The following NRG1 variants were observed in gnomAD, a reference collection of about 807,000 sequenced individuals.
The protein encoded by NRG1 is pro-neuregulin-1, membrane-bound isoform.
In NRG1, 18 loss-of-function variants were observed where a neutral mutation model predicts 63.8. The observed-to-expected ratio is 0.28, with a 90% confidence interval of 0.19 to 0.42. The LOEUF is 0.42. Among genes scored for constraint, NRG1 ranks in the 10% least tolerant of loss-of-function variants. NRG1 has a pLI of 1.00. For missense variants in NRG1, 762 were observed against 814.7 expected, an observed-to-expected ratio of 0.94 and a Z score of 0.79; for synonymous variants, 302 against 301.3, an observed-to-expected ratio of 1.00 and a Z score of -0.02.
chr8:32,427,497 G>A (rs140755414), intron 1 of NRG1, among the ~76,000 whole-genome samples: 4 of 152,272 alleles, frequency 2.6e-5, no homozygotes, highest in South Asian at 4.1e-4. Context: ...GAGGAGCTGC[G>A]ACTGGGGCAG....
intron 5 of NRG1, chr8:32,648,423 A>G (rs748409452): frequency 6.3e-7 from 1 of 1,597,428 alleles, no homozygotes; most frequent in South Asian, 1.1e-5. Context: ...ATGATGATGA[A>G]TAAAAGGGGT....
At chr8:31,887,817 A>C (rs1830838003) in intron 1 of NRG1, among the ~76,000 whole-genome samples, 1 of 152,030 alleles carries the variant, frequency 6.6e-6, no homozygotes, top group South Asian at 2.1e-4. Flanking sequence ...TTTAAATTAC[A>C]ATATACAGAA....
chr8:32,421,315 G>A (rs1454061156), intron 1 of NRG1, among the ~76,000 whole-genome samples: 2 of 152,100 alleles, frequency 1.3e-5, no homozygotes, highest in East Asian at 1.9e-4. Flanking sequence ...TGAGATGTAC[G>A]AAAATTGGCT....
chr8:31,919,085 TTC>T (rs890864181), intron 1 of NRG1, among the ~76,000 whole-genome samples: 1 of 152,162 alleles, frequency 6.6e-6, no homozygotes, highest in Non-Finnish European at 1.5e-5. Context: ...TATTTGATTC[TTC>T]TCTCTTTTTT....
At chr8:32,514,801 T>C (rs16879496) in intron 1 of NRG1, among the ~76,000 whole-genome samples, 30 of 151,948 alleles carry the variant, frequency 2.0e-4, no homozygotes, top group Non-Finnish European at 4.0e-4. Context: ...CAAATAAAAC[T>C]GTTATTGATT....
At chr8:32,402,660 G>T (rs1483911974) in intron 1 of NRG1, among the ~76,000 whole-genome samples, 1 of 152,088 alleles carries the variant, frequency 6.6e-6, no homozygotes, top group African/African-American at 2.4e-5. Flanking sequence ...CTTCCTAATG[G>T]CCTCAAAGCA....
chr8:32,337,222 GCTGGTC>G (rs1803382139), intron 1 of NRG1, among the ~76,000 whole-genome samples: 1 of 152,016 alleles, frequency 6.6e-6, no homozygotes, highest in South Asian at 2.1e-4. Context: ...TGTTGCCCAA[GCTGGTC>G]TTGAACTCCT....
intron 1 of NRG1, among the ~76,000 whole-genome samples, chr8:32,210,645 G>A (rs754509613): frequency 1.3e-5 from 2 of 152,324 alleles, no homozygotes; most frequent in Admixed American, 6.5e-5. Flanking sequence ...AGCCAAAGTA[G>A]TTGAAAGCAA....
intron 1 of NRG1, among the ~76,000 whole-genome samples, chr8:31,858,468 G>A (rs954486045): frequency 6.6e-6 from 1 of 152,172 alleles, no homozygotes; most frequent in African/African-American, 2.4e-5. Context: ...CTCTTATTCT[G>A]TGCAGCAACA....
chr8:31,946,220 A>T (rs1041488995), intron 1 of NRG1, among the ~76,000 whole-genome samples: 1 of 152,182 alleles, frequency 6.6e-6, no homozygotes, highest in African/African-American at 2.4e-5. Flanking sequence ...AGTTTTCATT[A>T]TCTTCTAGAT....
intron 5 of NRG1, among the ~76,000 whole-genome samples, chr8:32,640,844 C>T (rs1787151527): frequency 6.6e-6 from 1 of 151,914 alleles, no homozygotes; most frequent in South Asian, 2.1e-4. Flanking sequence ...GACTGTAATA[C>T]CAGCACTTTG....
chr8:32,188,570 G>A (rs1395794259), intron 1 of NRG1, among the ~76,000 whole-genome samples: 1 of 152,206 alleles, frequency 6.6e-6, no homozygotes, highest in Non-Finnish European at 1.5e-5. Flanking sequence ...GTTTATCCAT[G>A]TGGACCCAAT....
chr8:32,528,314 G>A (rs531588227), intron 1 of NRG1, among the ~76,000 whole-genome samples: 5 of 152,276 alleles, frequency 3.3e-5, no homozygotes, highest in South Asian at 2.1e-4. Flanking sequence ...TGCACTTAGC[G>A]CTGTTTCCCT....
intron 5 of NRG1, among the ~76,000 whole-genome samples, chr8:32,696,164 C>T (rs1813242099): frequency 6.6e-6 from 1 of 152,144 alleles, no homozygotes; most frequent in African/African-American, 2.4e-5. Context: ...AAAATATCTT[C>T]ATCAAAACCA....
At chr8:32,754,474 A>G (rs1305154638) in exon 8 of NRG1, 2 of 1,613,628 alleles carry the variant, frequency 1.2e-6, no homozygotes, top group East Asian at 2.2e-5. Flanking sequence ...TGCAAAACCA[A>G]GTAAACCTTC....
intron 5 of NRG1, among the ~76,000 whole-genome samples, chr8:32,682,141 C>T (rs931306315): frequency 6.6e-6 from 1 of 151,936 alleles, no homozygotes; most frequent in African/African-American, 2.4e-5. Context: ...AAGTTTTTGC[C>T]TTAATCAAAA....
At chr8:32,721,851 T>C (rs971672803) in intron 5 of NRG1, 2 of 1,390,218 alleles carry the variant, frequency 1.4e-6, no homozygotes, top group African/African-American at 3.0e-5. Flanking sequence ...GCTCAGCTTC[T>C]GCTCCAGAGC....
At chr8:32,285,087 T>C (rs1372924659) in intron 1 of NRG1, among the ~76,000 whole-genome samples, 1 of 152,234 alleles carries the variant, frequency 6.6e-6, no homozygotes, top group African/African-American at 2.4e-5. Flanking sequence ...TTGAAAAGAC[T>C]GCTTGATCTT....
chr8:31,802,918 T>A (rs1421928410), intron 1 of NRG1, among the ~76,000 whole-genome samples: 3 of 152,210 alleles, frequency 2.0e-5, no homozygotes, highest in South Asian at 2.1e-4. Flanking sequence ...AAACAATTTT[T>A]AAAATGTTTG....
Sources: gnomAD v4.1 joint callset for allele counts (sites outside exome capture counted in the v4.1 genomes callset) on GRCh38, gnomAD v4.1.1 for gene constraint, MANE v1.5 for transcripts, NCBI Gene and HGNC (gene_info 2026-07-23, HGNC 2026-07-21) for gene names.